ST6GALNAC3: variants seen among roughly 807,000 people sequenced by gnomAD.
ST6GALNAC3 encodes alpha-N-acetylgalactosaminide alpha-2,6-sialyltransferase 3.
ST6GALNAC3 carries 25 observed loss-of-function variants against 32.7 expected under a neutral mutation model. The ratio of observed to expected loss-of-function variants is 0.76; its 90% CI spans 0.56 to 1.07. The LOEUF is 1.07. Among genes scored for constraint, ST6GALNAC3 ranks in the 50% least tolerant of loss-of-function variants. ST6GALNAC3 has a pLI of 0.00. For synonymous variants in ST6GALNAC3, 129 were observed against 133.1 expected, an observed-to-expected ratio of 0.97 and a Z score of 0.21; for missense variants, 355 against 382.4, an observed-to-expected ratio of 0.93 and a Z score of 0.60.
intron 3 of ST6GALNAC3, among the ~76,000 whole-genome samples, chr1:76,577,587 G>A (rs1306717084): frequency 6.6e-6 from 1 of 151,896 alleles, no homozygotes; most frequent in Non-Finnish European, 1.5e-5. Flanking sequence ...CAGCACACCA[G>A]TATTTGTCAA....
intron 2 of ST6GALNAC3, among the ~76,000 whole-genome samples, chr1:76,353,159 A>G (rs763667701): frequency 7.2e-4 from 109 of 152,320 alleles, no homozygotes; most frequent in Admixed American, 1.2e-3. Context: ...ATCATGGCCA[A>G]TAAAGAACCA....
At position 76,402,414 on chromosome 1, in the gene ST6GALNAC3, C is replaced by T. The variant is rs958303146; in HGVS notation, c.214-9594C>T. On this transcript the variant is annotated intron_variant, in intron 2 of 4. Transcript: ENST00000328299. ...CCATTTACTAATTTTGCCACCATTT[C>T]CTTCCACTTTCAGTGTGGAATCCAG... is the stretch of plus-strand genomic sequence containing the variant. Among the ~76,000 whole-genome samples the T allele has an allele frequency of 2.0e-5, 3 of 152,184 alleles. No homozygotes were observed. The East Asian group carries it at 5.8e-4, about 29-fold the overall frequency.
downstream of ST6GALNAC3, among the ~76,000 whole-genome samples, chr1:76,635,982 A>T (rs2100751133): frequency 6.6e-6 from 1 of 152,292 alleles, no homozygotes; most frequent in South Asian, 2.1e-4. Flanking sequence ...CTTAGTCATG[A>T]TGACATAATA....
At chr1:76,276,274 C>T (rs1659129640) in intron 1 of ST6GALNAC3, among the ~76,000 whole-genome samples, 1 of 151,818 alleles carries the variant, frequency 6.6e-6, no homozygotes, top group African/African-American at 2.4e-5. Flanking sequence ...CTTAGCAATG[C>T]CTCCTATATC....
At chr1:76,258,370 C>A (rs562841758) in intron 1 of ST6GALNAC3, among the ~76,000 whole-genome samples, 1 of 152,242 alleles carries the variant, frequency 6.6e-6, no homozygotes, top group East Asian at 1.9e-4. Flanking sequence ...ACTGAAAGGC[C>A]AAATATCTTC....
intron 3 of ST6GALNAC3, among the ~76,000 whole-genome samples, chr1:76,560,070 A>G (rs929764194): frequency 7.2e-5 from 11 of 152,174 alleles, no homozygotes; most frequent in Admixed American, 2.0e-4. Context: ...GAGAACCAAG[A>G]TCATGCACTG....
intron 2 of ST6GALNAC3, among the ~76,000 whole-genome samples, chr1:76,392,318 T>C (rs1652632258): frequency 1.3e-5 from 2 of 152,194 alleles, no homozygotes; most frequent in African/African-American, 2.4e-5. Context: ...ACTTATCACA[T>C]TATTTCCAAC....
At chr1:76,407,236 A>G (rs1448473726) in intron 2 of ST6GALNAC3, among the ~76,000 whole-genome samples, 2 of 152,108 alleles carry the variant, frequency 1.3e-5, no homozygotes, top group African/African-American at 4.8e-5. Flanking sequence ...GTGTGCTGAG[A>G]TTAAGTTCAC....
intron 1 of ST6GALNAC3, among the ~76,000 whole-genome samples, chr1:76,140,051 T>A (rs1650217724): frequency 6.6e-6 from 1 of 152,214 alleles, no homozygotes; most frequent in Non-Finnish European, 1.5e-5. Flanking sequence ...TTTATTCATA[T>A]GGTGCCTCTC....
In ST6GALNAC3 at chr1:76,184,959, A is replaced by G. The variant is rs576976699; in HGVS notation, c.18+110075A>G. On this transcript the variant is annotated intron_variant, in intron 1 of 4. Transcript: ENST00000328299. ...AAATAATAATGATAAAGATCATGAG[A>G]GCAGCAGGTACCACTCTGACAACGA... Among the ~76,000 whole-genome samples the G allele has an allele frequency of 1.2e-4, 19 of 152,308 alleles. No homozygotes were observed. The South Asian group carries it at 3.7e-3, about 30-fold the overall frequency.
intron 1 of ST6GALNAC3, among the ~76,000 whole-genome samples, chr1:76,189,542 C>A (rs974190932): frequency 1.3e-5 from 2 of 151,864 alleles, no homozygotes; most frequent in African/African-American, 2.4e-5. Context: ...GAGACAAATA[C>A]GCCCTTTGAT....
chr1:76,401,146 C>G (rs1222558874), intron 2 of ST6GALNAC3, among the ~76,000 whole-genome samples: 1 of 152,086 alleles, frequency 6.6e-6, no homozygotes, highest in African/African-American at 2.4e-5. Context: ...TCTCTTCTCT[C>G]CCTCTGAGAT....
intron 2 of ST6GALNAC3, among the ~76,000 whole-genome samples, chr1:76,350,403 G>T (rs1356257217): frequency 6.6e-6 from 1 of 152,014 alleles, no homozygotes; most frequent in Non-Finnish European, 1.5e-5. Context: ...GATTTACTAA[G>T]CATTGGGTTC....
At chr1:76,290,364 G>T (rs1251761394) in intron 1 of ST6GALNAC3, among the ~76,000 whole-genome samples, 1 of 152,036 alleles carries the variant, frequency 6.6e-6, no homozygotes, top group Admixed American at 6.6e-5. Context: ...CTTGGAGATG[G>T]TTCCATAATA....
At position 76,634,061 on chromosome 1, in the gene ST6GALNAC3, C is replaced by A; in HGVS notation, c.*5255C>A. 1.3e-5 allele frequency: 7 copies of A among 535,574 alleles called. No individual in the cohort carries two copies. The highest frequency in any genetic ancestry group is 1.7e-5 in the Non-Finnish European group (7 of 420,274). 33.2% of individuals were successfully genotyped at this position (535,574 alleles called of 1,614,324 possible). ...TTTTTTCTTTTTTTTTTTCAGTTAA[C>A]TACTTGTTTGTTTCTTTTCAGAATA... On this transcript the variant is annotated 3_prime_UTR_variant, in exon 5 of 5. Coordinates refer to ENST00000328299, the MANE Select transcript of ST6GALNAC3 (RefSeq NM_152996.4).
intron 1 of ST6GALNAC3, among the ~76,000 whole-genome samples, chr1:76,199,054 G>C (rs1195724500): frequency 2.0e-5 from 3 of 152,180 alleles, no homozygotes; most frequent in Non-Finnish European, 4.4e-5. Flanking sequence ...AGTTAGCTCT[G>C]TGAAGAGAAG....
chr1:76,303,957 C>T (rs184883029), intron 1 of ST6GALNAC3, among the ~76,000 whole-genome samples: 3 of 151,906 alleles, frequency 2.0e-5, no homozygotes, highest in Admixed American at 2.0e-4. Flanking sequence ...CCCTAACCCT[C>T]TCCCTCACTT....
chr1:76,605,861 TAA>T (rs1159864958), intron 3 of ST6GALNAC3, among the ~76,000 whole-genome samples: 19 of 58,898 alleles, frequency 3.2e-4, no homozygotes, highest in African/African-American at 1.3e-3. Context: ...GGAGACTCCA[TAA>T]AAAAAAAAAA....
At chr1:76,121,896 C>G (rs879474059) in intron 1 of ST6GALNAC3, among the ~76,000 whole-genome samples, 2 of 152,212 alleles carry the variant, frequency 1.3e-5, no homozygotes, top group Non-Finnish European at 2.9e-5. Context: ...GCCTCACTCA[C>G]GCTGTTCCAG....
Sources: gnomAD v4.1 joint callset for allele counts (sites outside exome capture counted in the v4.1 genomes callset) on GRCh38, gnomAD v4.1.1 for gene constraint, MANE v1.5 for transcripts, NCBI Gene and HGNC (gene_info 2026-07-23, HGNC 2026-07-21) for gene names.